RYR1: variants seen among roughly 807,000 people sequenced by gnomAD.
RYR1 encodes the protein ryanodine receptor 1.
RYR1 carries 342 observed loss-of-function variants against 583.5 expected under a neutral mutation model. The observed-to-expected ratio is 0.59, with a 90% CI of 0.54 to 0.64. The LOEUF (loss-of-function observed/expected upper bound fraction) is 0.64. Ranked by LOEUF, RYR1 falls within the 30% of genes least tolerant of loss-of-function variation. The pLI is 0.00. For synonymous variants in RYR1, 2,791 were observed against 2,822.5 expected (o/e 0.99, Z 0.35); for missense variants, 6,032 against 6,917.2 (o/e 0.87, Z 4.54).
chr19:38,507,000 C>A lies in RYR1; in HGVS notation c.8816+48C>A, dbSNP rs199886116. On this transcript the variant is annotated intron_variant, in intron 57 of 105. Transcript: ENST00000359596. ...GGAAGAGCAGCAGGCAGAACACACCCGGCAAAGGCTGGAAGGGGCGGGGCC... is the reference window on the plus strand; with the variant it reads ...GGAAGAGCAGCAGGCAGAACACACCAGGCAAAGGCTGGAAGGGGCGGGGCC... 1.9e-4 allele frequency: 301 copies of A among 1,611,202 alleles called. No individual in the cohort carries two copies. In the Middle Eastern group the frequency reaches 2.2e-3, roughly 12 times the overall value.
intron 72 of RYR1, 175 bp from the exon 73 acceptor site, chr19:38,527,472 T>C: frequency 1.3e-6 from 1 of 793,116 alleles, no homozygotes; most frequent in Non-Finnish European, 2.0e-6. Context: ...ATCGCACCAC[T>C]GCACTCCAGC....
Position 38,535,134 on chromosome 19 carries a change from C to G in RYR1, c.11360-7C>G, listed in dbSNP as rs1971910832. 1 of 1,613,154 alleles carries G rather than the reference C, an allele frequency of 6.2e-7. No individual in the cohort carries two copies. Among genetic ancestry groups the G allele is most frequent in the South Asian group, 1.1e-5 (1 of 91,054 alleles). On this transcript the variant is annotated splice_region_variant and splice_polypyrimidine_tract_variant and intron_variant, in intron 79 of 105. Transcript: ENST00000359596. ...GTGGACCATCTTTTTTCTCCCACTCCCTCCAGGAGAGACAGGTGCCATGGT... is the reference window on the plus strand; with the variant it reads ...GTGGACCATCTTTTTTCTCCCACTCGCTCCAGGAGAGACAGGTGCCATGGT...
intron 75 of RYR1, 44 bp from the exon 76 acceptor site, chr19:38,528,907 G>A (rs1971605942): frequency 6.3e-7 from 1 of 1,589,612 alleles, no homozygotes. Context: ...GTGACAGGAG[G>A]GGACTCTAGA....
chr19:38,517,241 G>A, intron 65 of RYR1, 118 bp from the exon 66 acceptor site: 2 of 1,044,760 alleles, frequency 1.9e-6, no homozygotes, highest in Admixed American at 4.0e-5. Context: ...ATAGGGTTTG[G>A]GAGACTGTTT....
intron 73 of RYR1, chr19:38,528,033 G>A (rs1971553717): frequency 9.7e-6 from 6 of 619,460 alleles, no homozygotes; most frequent in East Asian, 8.2e-5. Context: ...TAGAGGAGAT[G>A]CGTTGAGTTT....
At position 38,512,075 on chromosome 19, in the gene RYR1, C is replaced by T. The variant is rs1194961735; in HGVS notation, c.9176C>T (p.Thr3059Ile). The T allele has an allele frequency of 1.2e-6, 2 of 1,614,048 alleles. No homozygotes were observed. The highest frequency in any genetic ancestry group is 1.7e-6 in the Non-Finnish European group (2 of 1,179,976). Residue 3059 changes from threonine to isoleucine, a missense_variant, in exon 62 of 106, where the codon ACA becomes ATA. Thr to Ile is a moderately conservative substitution (Grantham distance 89). Transcript: ENST00000359596. The surrounding 1 kb of genome is among the most constrained non-coding windows in gnomAD (Gnocchi z 5.1). ...CCGGCCCATCTTCCTCTCCCAGGGA[C>T]AGACGCCCCAGCTGTGGTCAACTGT... is the stretch of plus-strand genomic sequence containing the variant. ...LVRHRVSLFGTDAPAVVNCLH... is the reference protein window; with the variant it reads ...LVRHRVSLFGIDAPAVVNCLH...
In RYR1 at chr19:38,535,326, A is replaced by T. The variant is rs372491219; in HGVS notation, c.11450A>T (p.Asp3817Val). Residue 3817 changes from aspartate (D) to valine (V), a missense_variant, in exon 81 of 106, where the codon GAT becomes GTT. Asp to Val is a radical substitution (Grantham distance 152). Around this residue, in one of 11 missense-constraint regions of RYR1, gnomAD observed 1,493 missense variants for 1,715.5 expected, o/e 0.87. Coordinates refer to ENST00000359596, the MANE Select transcript of RYR1 (RefSeq NM_000540.3). The stretch of plus-strand genomic sequence containing the variant: ...CCTCGCCCTCTGCAGAAAATGCTGG[A>T]TTATCTTAAGGACAAGAAGGAAGTT... The part of the protein sequence containing the change: ...GNAEVQQKML[D>V]YLKDKKEVGF... 56 of 1,614,134 alleles carry T rather than the reference A, an allele frequency of 3.5e-5. No individual in the cohort carries two copies. The African/African-American group carries it at 7.2e-4, about 21-fold the overall frequency.
rs71165560 is a variant in RYR1 at position 38,551,025 on chromosome 19, C to CTTTTTTT, written c.12282+2638_12282+2644dup. On this transcript the variant is annotated intron_variant, in intron 89 of 105. Coordinates refer to ENST00000359596, the MANE Select transcript of RYR1 (RefSeq NM_000540.3). The stretch of plus-strand genomic sequence containing the variant: ...CATTTATATCAGTGTGGATTCACGG[C>CTTTTTTT]TTTTTTTTTTTTTTTTTTTTTTTTT... Among the ~76,000 whole-genome samples, 8 of 41,358 alleles carry CTTTTTTT rather than the reference C, an allele frequency of 1.9e-4. 2 individuals carry two copies. Among genetic ancestry groups the CTTTTTTT allele is most frequent in the Admixed American group, 3.7e-4 (1 of 2,700 alleles). The allele number at this position is 41,358 out of a possible 152,430, so 27.1% of individuals were successfully genotyped here. A position where few individuals can be genotyped will look rare whatever the true frequency, so the allele number is the denominator to read the frequency against.
chr19:38,525,523 T>G, intron 71 of RYR1, 21 bp downstream of exon 71: 1 of 1,611,890 alleles, frequency 6.2e-7, no homozygotes, highest in Non-Finnish European at 8.5e-7. Context: ...AGCCCCGTCC[T>G]CGGAACCTTC....
Position 38,578,020 on chromosome 19 carries a change from C to T in RYR1, c.14275C>T (p.Pro4759Ser), listed in dbSNP as rs761373177. Residue 4759 changes from proline to serine, a missense_variant, in exon 98 of 106, where the codon CCC (proline) becomes TCC (serine). Transcript: ENST00000359596. ...GATCACAGCCCACAATGAGCGCAAG[C>T]CCAACCCGCCGCCAGGGCTGCTGAC... ...LEITAHNERK[P>S]NPPPGLLTWL... The T allele has an allele frequency of 2.0e-5, 32 of 1,614,128 alleles. No homozygotes were observed. The South Asian group carries it at 2.7e-4, about 14-fold the overall frequency.
At chr19:38,448,559 A>C (rs968503388) in intron 10 of RYR1, 48 bp downstream of exon 10, 3 of 1,613,978 alleles carry the variant, frequency 1.9e-6, no homozygotes, top group Non-Finnish European at 2.5e-6. Context: ...CCCCAGTCCC[A>C]GCCCAGCCTG....
At chr19:38,554,637 A>C (rs980524192) in intron 89 of RYR1, among the ~76,000 whole-genome samples, 1 of 151,782 alleles carries the variant, frequency 6.6e-6, no homozygotes, top group African/African-American at 2.4e-5. Flanking sequence ...TATTTATTTA[A>C]ATGTTTAATT....
rs764263987 is a variant in RYR1, at chr19:38,525,342, C to T, written c.10466C>T (p.Ser3489Leu). ...CCTGTGTCCCCACAGTCCGGTGGCT[C>T]GGACCAGGAACGCACCAAGAAGAAG... ...AKAGDIQSGG[S>L]DQERTKKKRR... The change falls in exon 71 of 106, where the codon TCG becomes TTG. Residue 3489 changes from serine (S) to leucine (L), a missense_variant. Transcript: ENST00000359596. The T allele has an allele frequency of 3.7e-6, 6 of 1,613,292 alleles. No homozygotes were observed. The highest frequency in any genetic ancestry group is 1.3e-5 in the African/African-American group (1 of 74,906).
chr19:38,570,694 G>A lies in RYR1; in HGVS notation c.13746+1G>A. Reference sequence around the variant, plus strand: ...CAACTTCATCTTGCTGTTTTATAAGGTGCTGGTCCTGAAGGGCTGGGAGGG... The same window carrying A: ...CAACTTCATCTTGCTGTTTTATAAGATGCTGGTCCTGAAGGGCTGGGAGGG... On this transcript the variant is annotated splice_donor_variant, in intron 94 of 105. Transcript: ENST00000359596. LOFTEE classifies it high-confidence loss of function. 2 of 1,613,104 alleles carry A rather than the reference G, an allele frequency of 1.2e-6. No individual in the cohort carries two copies. Among genetic ancestry groups the A allele is most frequent in the Non-Finnish European group, 1.7e-6 (2 of 1,179,186 alleles).
chr19:38,528,253 G>T, intron 73 of RYR1, 53 bp from the exon 74 acceptor site: 2 of 1,470,428 alleles, frequency 1.4e-6, no homozygotes, highest in South Asian at 2.3e-5. Context: ...CCAGGGCTGG[G>T]AGTGAGAGGG....
intron 27 of RYR1, among the ~76,000 whole-genome samples, chr19:38,472,499 T>C (rs1968475691): frequency 6.6e-6 from 1 of 152,114 alleles, no homozygotes; most frequent in South Asian, 2.1e-4. Context: ...AATGACTTTA[T>C]TCATCAAAAC....
At position 38,561,245 on chromosome 19, in the gene RYR1, G is replaced by A. The variant is rs1489505433; in HGVS notation, c.12415G>A (p.Gly4139Ser). ...NRFQEPARDI[G>S]FNVAVLLTNL... ...CTTCCAGGAGCCAGCACGCGACATC[G>A]GCTTCAACGTGGCGGTGCTGCTGAC... The change falls in exon 90 of 106, where the codon GGC becomes AGC. Residue 4139 changes from glycine (G) to serine (S), a missense_variant. Around this residue, in one of 11 missense-constraint regions of RYR1, gnomAD observed 753 missense variants for 759.6 expected, o/e 0.99. Coordinates refer to ENST00000359596, the MANE Select transcript of RYR1 (RefSeq NM_000540.3). This position sits in a 1 kb window ranked among gnomAD's most constrained non-coding sequence, Gnocchi z 4.8. 6.2e-7 allele frequency: 1 copy of A among 1,614,068 alleles called. No homozygotes were observed. The highest frequency in any genetic ancestry group is 8.5e-7 in the Non-Finnish European group (1 of 1,180,032).
Position 38,468,982 on chromosome 19 carries a change from T to C in RYR1, c.3398T>C (p.Leu1133Ser). 2 of 1,614,106 alleles carry C rather than the reference T, an allele frequency of 1.2e-6. No homozygotes were observed. Among genetic ancestry groups the C allele is most frequent in the Non-Finnish European group, 8.5e-7 (1 of 1,180,006 alleles). ...TCCTCACAGGGCCAGCGCTGGCACT[T>C]GGGCAGTGAACCATTTGGGCGCCCC... is the stretch of plus-strand genomic sequence containing the variant. ...FNGHRGQRWH[L>S]GSEPFGRPWQ... is the part of the protein sequence containing the mutation. The change falls in exon 26 of 106, where the codon TTG becomes TCG. Residue 1133 changes from leucine to serine, a missense_variant. By Grantham distance (145) the Leu-to-Ser change is moderately radical (BLOSUM62 -2). This residue lies in a region of RYR1 where 2,627 missense variants were observed against 2,961.3 expected (regional missense o/e 0.89). Transcript: ENST00000359596.
intron 13 of RYR1, among the ~76,000 whole-genome samples, chr19:38,454,793 A>AC (rs1352523809): frequency 6.6e-6 from 1 of 151,000 alleles, no homozygotes; most frequent in Non-Finnish European, 1.5e-5. Flanking sequence ...AAATGTAAAA[A>AC]AAAAAAGAAA....
Sources: gnomAD v4.1 joint callset for allele counts (sites outside exome capture counted in the v4.1 genomes callset) on GRCh38, gnomAD v4.1.1 for gene constraint, gnomAD v4.1.1 regional missense constraint, Gnocchi (gnomAD v3.1) non-coding constraint, MANE v1.5 for transcripts, NCBI Gene and HGNC (gene_info 2026-07-23, HGNC 2026-07-21) for gene names.